VLDLR: variants seen among roughly 807,000 people sequenced by gnomAD.
VLDLR encodes the protein very low density lipoprotein receptor.
Under a neutral mutation model 112.7 loss-of-function variants are expected in VLDLR, and 81 were observed. The ratio of observed to expected loss-of-function variants is 0.72; its 90% CI spans 0.60 to 0.86. VLDLR has a LOEUF of 0.86. Among genes scored for constraint, VLDLR ranks in the 40% least tolerant of loss-of-function variants. VLDLR has a pLI of 0.00. For synonymous variants in VLDLR, 436 were observed against 384.8 expected (o/e 1.13, Z -1.56); for missense variants, 1,237 against 1,099.4 (o/e 1.13, Z -1.77).
Position 2,645,037 on chromosome 9 carries a change from C to A in VLDLR, c.1267C>A (p.Arg423Ser). ...LKGGYKCECS[R>S]GYQMDLATGV... ...AGGCGGTTACAAGTGTGAATGTAGT[C>A]GTGGCTATCAAATGGATCTTGCTAC... is the stretch of plus-strand genomic sequence containing the variant. Residue 423 changes from arginine to serine, a missense_variant, in exon 9 of 19, where the codon CGT becomes AGT. Physicochemically the swap from Arg to Ser is moderately radical, Grantham distance 110. Coordinates refer to ENST00000382100, the MANE Select transcript of VLDLR (RefSeq NM_003383.5). The A allele has an allele frequency of 6.2e-7, 1 of 1,614,094 alleles. No homozygotes were observed. Among genetic ancestry groups the A allele is most frequent in the South Asian group, 1.1e-5 (1 of 91,040 alleles).
chr9:2,648,810 G>A lies in VLDLR; in HGVS notation c.2104G>A (p.Gly702Ser), dbSNP rs1454735635. 1 of 1,614,146 alleles carries A rather than the reference G, an allele frequency of 6.2e-7. No individual in the cohort carries two copies. Among genetic ancestry groups the A allele is most frequent in the Non-Finnish European group, 8.5e-7 (1 of 1,180,012 alleles). The change falls in exon 14 of 19, where the codon GGT (glycine) becomes AGT (serine). Residue 702 changes from glycine (G) to serine (S), a missense_variant and splice_region_variant. Transcript: ENST00000382100. ...CTATCATGAACTTGTACAGCCATCA[G>A]GTACCGTGGAGAAGCACAGTCCTTA... is the stretch of plus-strand genomic sequence containing the variant. ...IVYHELVQPS[G>S]KNWCEEDMEN...
chr9:2,631,023 CA>C (rs1817327951), intron 1 of VLDLR, among the ~76,000 whole-genome samples: 2 of 152,168 alleles, frequency 1.3e-5, no homozygotes, highest in East Asian at 3.9e-4. Context: ...AGACATTTCT[CA>C]AAAGAGGACA....
intron 2 of VLDLR, among the ~76,000 whole-genome samples, chr9:2,636,289 T>G (rs935048053): frequency 6.6e-6 from 1 of 152,220 alleles, no homozygotes; most frequent in Non-Finnish European, 1.5e-5. Context: ...ATCCCTTTGT[T>G]CAGGGTTGTA....
chr9:2,654,676 A>C lies in VLDLR; in HGVS notation c.*808A>C, dbSNP rs1818522667. The stretch of plus-strand genomic sequence containing the variant: ...CTCCCGAAATATTTCTTACTGTGTA[A>C]AAGAAGCTAGCTTAGTCTGTACCTA... On this transcript the variant is annotated 3_prime_UTR_variant, in exon 19 of 19. Transcript: ENST00000382100. 1 of 152,218 alleles carries C rather than the reference A, an allele frequency of 6.6e-6. No individual in the cohort carries two copies. Among genetic ancestry groups the C allele is most frequent in the African/African-American group, 2.4e-5 (1 of 41,456 alleles). The allele number at this position is 152,218 out of a possible 1,614,324, so 9.4% of individuals were successfully genotyped here.
At chr9:2,636,277 C>T (rs531364399) in intron 2 of VLDLR, among the ~76,000 whole-genome samples, 48 of 152,288 alleles carry the variant, frequency 3.2e-4, no homozygotes, top group South Asian at 1.5e-3. Flanking sequence ...ATTTGCTCTA[C>T]GATCCCTTTG....
At chr9:2,649,134 C>T (rs1443753557) in intron 14 of VLDLR, among the ~76,000 whole-genome samples, 2 of 152,138 alleles carry the variant, frequency 1.3e-5, no homozygotes, top group African/African-American at 4.8e-5. Context: ...GTGCTACAAG[C>T]TTTCTCTACT....
In VLDLR at chr9:2,645,734, G is replaced by A. The variant is rs200483246; in HGVS notation, c.1473G>A (p.Lys491=). 3.6e-5 allele frequency: 58 copies of A among 1,614,058 alleles called. No homozygotes were observed. Among genetic ancestry groups the A allele is most frequent in the Middle Eastern group, 1.6e-4 (1 of 6,084 alleles). ...QKLFWADLSQ[K]AIFSASIDDK... is the part of the protein sequence containing the mutation. Reference sequence around the variant, plus strand: ...TATTCTGGGCCGATCTAAGCCAAAAGGCTATCTTCAGGTAACTTTCAGTTC... The same window carrying A: ...TATTCTGGGCCGATCTAAGCCAAAAAGCTATCTTCAGGTAACTTTCAGTTC... Residue 491 remains lysine (K), a synonymous_variant, in exon 10 of 19, where the codon AAG becomes AAA. Coordinates refer to ENST00000382100, the MANE Select transcript of VLDLR (RefSeq NM_003383.5).
chr9:2,654,307 AC>A lies in VLDLR; in HGVS notation c.*440del, dbSNP rs1280988717. On this transcript the variant is annotated 3_prime_UTR_variant, in exon 19 of 19. Coordinates refer to ENST00000382100, the MANE Select transcript of VLDLR (RefSeq NM_003383.5). ...ATTGTAAACTTTTTCAATGGTTGGG[AC>A]AATGGCAATAGGACAAAACGGGTTA... 5.5e-6 allele frequency: 1 copy of A among 180,426 alleles called. No homozygotes were observed. The highest frequency in any genetic ancestry group is 2.4e-5 in the African/African-American group (1 of 42,070). 11.2% of individuals were successfully genotyped at this position (180,426 alleles called of 1,614,324 possible).
rs1234086883 is a variant in VLDLR at position 2,621,957 on chromosome 9, G to A, written c.-233G>A. 4.5e-6 allele frequency: 3 copies of A among 661,350 alleles called. No homozygotes were observed. The highest frequency in any genetic ancestry group is 3.0e-5 in the East Asian group (1 of 33,554). The allele number at this position is 661,350 out of a possible 1,614,324, so 41.0% of individuals were successfully genotyped here. On this transcript the variant is annotated 5_prime_UTR_variant, in exon 1 of 19. Coordinates refer to ENST00000382100, the MANE Select transcript of VLDLR (RefSeq NM_003383.5). ...TCTGCCCGCAGGCTCGGCTTGCACTGCTGCTGCAGCCCGGGGAGGTGGCTG... is the reference window on the plus strand; with the variant it reads ...TCTGCCCGCAGGCTCGGCTTGCACTACTGCTGCAGCCCGGGGAGGTGGCTG...
chr9:2,641,102 C>T (rs923670074), intron 3 of VLDLR, among the ~76,000 whole-genome samples: 7 of 152,124 alleles, frequency 4.6e-5, no homozygotes, highest in African/African-American at 1.7e-4. Flanking sequence ...CTTCACCACG[C>T]CAAGTAAAAC....
In VLDLR at chr9:2,659,510, G is replaced by A. The variant is rs1001767560; in HGVS notation, c.*5642G>A. 2 of 152,238 alleles carry A rather than the reference G, an allele frequency of 1.3e-5. No individual in the cohort carries two copies. Among genetic ancestry groups the A allele is most frequent in the South Asian group, 2.1e-4 (1 of 4,836 alleles). 9.4% of individuals were successfully genotyped at this position (152,238 alleles called of 1,614,324 possible). ...TTTCCTTGGCCATCCAAGTGAAGTA[G>A]AAGTAGATTGTTGGATTGCAAAGAA... On this transcript the variant is annotated 3_prime_UTR_variant, in exon 19 of 19. Transcript: ENST00000382100.
Position 2,622,239 on chromosome 9 carries a change from GGGCGCCCCGGGAGAGC to G in VLDLR, c.57_72del (p.Arg20ProfsTer44). 6.7e-7 allele frequency: 1 copy of G among 1,499,596 alleles called. No individual in the cohort carries two copies. Among genetic ancestry groups the G allele is most frequent in the Non-Finnish European group, 8.8e-7 (1 of 1,131,088 alleles). 92.9% of individuals were successfully genotyped at this position (1,499,596 alleles called of 1,614,324 possible). A position where few individuals can be genotyped will look rare whatever the true frequency, so the allele number is the denominator to read the frequency against. On this transcript the variant is annotated frameshift_variant, in exon 1 of 19. Coordinates refer to ENST00000382100, the MANE Select transcript of VLDLR (RefSeq NM_003383.5). LOFTEE classifies it high-confidence loss of function. ...CTCTGGCTGCTGCTCGCGCTGTGCT[GGGCGCCCCGGGAGAGC>G]GGCGCCACCGGAACCGGTGAGTGAG...
chr9:2,650,467 T>G lies in VLDLR; in HGVS notation c.2202T>G (p.Cys734Trp). ...QINDHSPKYTCSCPSGYNVEE... is the reference protein window; with the variant it reads ...QINDHSPKYTWSCPSGYNVEE... The stretch of plus-strand genomic sequence containing the variant: ...ATGATCACTCTCCAAAATATACCTG[T>G]TCCTGTCCCAGTGGGTACAATGTAG... The change falls in exon 15 of 19, where the codon TGT becomes TGG. Residue 734 changes from cysteine to tryptophan, a missense_variant. Physicochemically the swap from Cys to Trp is radical, Grantham distance 215. Coordinates refer to ENST00000382100, the MANE Select transcript of VLDLR (RefSeq NM_003383.5). 2 of 1,614,122 alleles carry G rather than the reference T, an allele frequency of 1.2e-6. No homozygotes were observed. Among genetic ancestry groups the G allele is most frequent in the Non-Finnish European group, 1.7e-6 (2 of 1,180,022 alleles).
At chr9:2,622,689 C>G (rs1816874309) in intron 1 of VLDLR, among the ~76,000 whole-genome samples, 1 of 152,024 alleles carries the variant, frequency 6.6e-6, no homozygotes, top group Non-Finnish European at 1.5e-5. Flanking sequence ...GGCGCACCCT[C>G]GAACCCCGGG....
rs36085316 is a variant in VLDLR at position 2,638,796 on chromosome 9, C to T, written c.203-1063C>T. Among the ~76,000 whole-genome samples, 319 of 152,322 alleles carry T rather than the reference C, an allele frequency of 2.1e-3. 1 individual carries two copies. The highest frequency in any genetic ancestry group is 7.2e-3 in the African/African-American group (300 of 41,570). Reference sequence around the variant, plus strand: ...AGAATTAGCAACAGAATCAATTCCTCTCCTTAGGCTATTTTAACATTAGCA... The same window carrying T: ...AGAATTAGCAACAGAATCAATTCCTTTCCTTAGGCTATTTTAACATTAGCA... On this transcript the variant is annotated intron_variant, in intron 2 of 18. Transcript: ENST00000382100.
At chr9:2,628,005 A>G (rs1817170837) in intron 1 of VLDLR, among the ~76,000 whole-genome samples, 1 of 152,158 alleles carries the variant, frequency 6.6e-6, no homozygotes, top group Non-Finnish European at 1.5e-5. Flanking sequence ...TCAAGTTCTG[A>G]AAAAGCTGGG....
rs1010820226 is a variant in VLDLR, at chr9:2,653,852, A to G, written c.2606A>G (p.Asp869Gly). The change falls in exon 19 of 19, where the codon GAT becomes GGT. Residue 869 changes from aspartate (D) to glycine (G), a missense_variant. By Grantham distance (94) the Asp-to-Gly change is moderately conservative. Coordinates refer to ENST00000382100, the MANE Select transcript of VLDLR (RefSeq NM_003383.5). ...TYPAISVVSTDDDLA is the reference protein window; with the variant it reads ...TYPAISVVSTGDDLA ...CCACAGATATCAGTTGTAAGCACAG[A>G]TGATGATCTAGCTTGACTTCTGTGA... 5.6e-6 allele frequency: 9 copies of G among 1,613,942 alleles called. No individual in the cohort carries two copies. Among genetic ancestry groups the G allele is most frequent in the Non-Finnish European group, 6.8e-6 (8 of 1,179,838 alleles).
intron 17 of VLDLR, among the ~76,000 whole-genome samples, 184 bp from the exon 18 acceptor site, chr9:2,652,596 A>G (rs1190735341): frequency 2.6e-5 from 4 of 152,156 alleles, no homozygotes; most frequent in African/African-American, 7.2e-5. Flanking sequence ...GCACAGAGCT[A>G]CCTCTGGGCT....
Position 2,646,667 on chromosome 9 carries a change from G to T in VLDLR, c.1703+115G>T, listed in dbSNP as rs531243648. 1.5e-4 allele frequency: 161 copies of T among 1,039,376 alleles called. No individual in the cohort carries two copies. In the African/African-American group the frequency reaches 1.7e-3, roughly 11 times the overall value. 64.4% of individuals were successfully genotyped at this position (1,039,376 alleles called of 1,614,324 possible). A position where few individuals can be genotyped will look rare whatever the true frequency, so the allele number is the denominator to read the frequency against. ...AGGTTTATGAGCCTTCTGCAACAAA[G>T]AATTAGAATTCTAATTTAAGATATC... On this transcript the variant is annotated intron_variant, in intron 11 of 18. Transcript: ENST00000382100.
Sources: allele counts gnomAD v4.1 joint callset (sites outside exome capture counted in the v4.1 genomes callset), GRCh38; gene constraint gnomAD v4.1.1; transcripts MANE v1.5; gene names NCBI Gene and HGNC (gene_info 2026-07-23, HGNC 2026-07-21).